The following CPED1 variants were observed in gnomAD, a reference collection of about 807,000 sequenced individuals.
The protein encoded by CPED1 is cadherin like and PC-esterase domain containing 1, also known as cadherin-like and PC-esterase domain-containing protein 1.
CPED1 carries 114 observed loss-of-function variants against 128.2 expected under a neutral mutation model. The ratio of observed to expected loss-of-function variants is 0.89; its 90% CI spans 0.76 to 1.04. The LOEUF is 1.04. CPED1 is among the 50% of genes least tolerant of loss of function. The pLI, the probability that CPED1 is intolerant of heterozygous loss-of-function variation, is 0.00. For missense variants in CPED1, 1,211 were observed against 1,207.1 expected (o/e 1.00, Z -0.05); for synonymous variants, 462 against 426.7 (o/e 1.08, Z -1.02).
chr7:121,272,207 A>G lies in CPED1; in HGVS notation c.2868+777A>G, dbSNP rs150783645. On this transcript the variant is annotated intron_variant, in intron 22 of 22. Coordinates refer to ENST00000310396, the MANE Select transcript of CPED1 (RefSeq NM_024913.5). The stretch of plus-strand genomic sequence containing the variant: ...CCTTCAGTCTCAAAAGCCCAAATCA[A>G]GGGAGAGAAGGCAGGACACTTATTT... Among the ~76,000 whole-genome samples the G allele has an allele frequency of 2.7e-3, 405 of 152,236 alleles. 4 individuals are homozygous for G. The highest frequency in any genetic ancestry group is 9.4e-3 in the African/African-American group (392 of 41,562).
chr7:121,117,611 G>C (rs1482291054), intron 7 of CPED1, among the ~76,000 whole-genome samples: 3 of 151,984 alleles, frequency 2.0e-5, no homozygotes, highest in Non-Finnish European at 2.9e-5. Flanking sequence ...AGCTCTCTCA[G>C]ATGCATTTTG....
At chr7:121,003,105 G>C (rs914317747) in intron 2 of CPED1, among the ~76,000 whole-genome samples, 1 of 152,146 alleles carries the variant, frequency 6.6e-6, no homozygotes, top group African/African-American at 2.4e-5. Flanking sequence ...AACTCTCTGT[G>C]GTGGTCAGCA....
intron 22 of CPED1, among the ~76,000 whole-genome samples, chr7:121,275,815 A>C (rs1031829880): frequency 5.9e-5 from 9 of 151,868 alleles, no homozygotes; most frequent in African/African-American, 2.2e-4. Flanking sequence ...TATAATCTTA[A>C]TTAAATAAAA....
chr7:121,054,697 A>T lies in CPED1; in HGVS notation c.540+7704A>T, dbSNP rs146270758. 6.1e-4 allele frequency among the ~76,000 whole-genome samples: 92 copies of T among 151,698 alleles called. No homozygotes were observed. In the Middle Eastern group the frequency reaches 0.014, roughly 22 times the overall value. On this transcript the variant is annotated intron_variant, in intron 4 of 22. Transcript: ENST00000310396. ...TTTTTTTTAATTTGCATGTAGTAAA[A>T]TTCATTATTTGTGGTTTATAGCTCC...
intron 16 of CPED1, among the ~76,000 whole-genome samples, chr7:121,212,937 T>A (rs1163151385): frequency 6.6e-6 from 1 of 151,968 alleles, no homozygotes; most frequent in African/African-American, 2.4e-5. Flanking sequence ...TGACCCTGCA[T>A]GAAGTGGAAA....
At chr7:121,285,610 A>G (rs1321596101) in intron 22 of CPED1, among the ~76,000 whole-genome samples, 3 of 152,212 alleles carry the variant, frequency 2.0e-5, no homozygotes, top group South Asian at 2.1e-4. Context: ...AAATGCCACC[A>G]GTCTCTTTGC....
intron 16 of CPED1, among the ~76,000 whole-genome samples, chr7:121,210,510 TGAATG>T (rs2116591664): frequency 6.6e-6 from 1 of 152,054 alleles, no homozygotes; most frequent in South Asian, 2.1e-4. Flanking sequence ...TACAACAACA[TGAATG>T]GAAATGGAAG....
intron 16 of CPED1, among the ~76,000 whole-genome samples, chr7:121,179,091 T>C (rs559496938): frequency 6.6e-6 from 1 of 152,156 alleles, no homozygotes; most frequent in Admixed American, 6.6e-5. Flanking sequence ...GAAAGATGTT[T>C]CAAAATGGAG....
At chr7:121,055,816 T>C (rs1793484477) in intron 4 of CPED1, among the ~76,000 whole-genome samples, 1 of 151,872 alleles carries the variant, frequency 6.6e-6, no homozygotes, top group Non-Finnish European at 1.5e-5. Flanking sequence ...GAAAATACAA[T>C]TTCTCCCAGA....
At chr7:121,186,628 C>T (rs368865209) in intron 16 of CPED1, among the ~76,000 whole-genome samples, 19 of 152,160 alleles carry the variant, frequency 1.2e-4, no homozygotes, top group African/African-American at 4.6e-4. Context: ...TGAAGAAAGT[C>T]TTTTGTGAGA....
chr7:121,096,258 C>T (rs781558633), intron 5 of CPED1, among the ~76,000 whole-genome samples: 3 of 151,978 alleles, frequency 2.0e-5, no homozygotes, highest in Admixed American at 6.6e-5. Flanking sequence ...TAATGAGATA[C>T]GGGAATACAT....
intron 16 of CPED1, among the ~76,000 whole-genome samples, chr7:121,190,731 T>G (rs1408109699): frequency 1.3e-5 from 2 of 152,162 alleles, no homozygotes; most frequent in African/African-American, 4.8e-5. Context: ...TTTTCCAGTA[T>G]CAGAGAAATA....
At chr7:121,219,111 T>C (rs1797822349) in intron 16 of CPED1, among the ~76,000 whole-genome samples, 2 of 152,086 alleles carry the variant, frequency 1.3e-5, no homozygotes, top group East Asian at 3.9e-4. Flanking sequence ...CTGAATGTTG[T>C]ATCTAAGCAT....
At chr7:121,055,310 G>A (rs577159660) in intron 4 of CPED1, among the ~76,000 whole-genome samples, 72 of 152,062 alleles carry the variant, frequency 4.7e-4, no homozygotes, top group African/African-American at 1.5e-3. Context: ...GCTGCCCAAC[G>A]TTTCTATAAA....
intron 16 of CPED1, among the ~76,000 whole-genome samples, chr7:121,217,882 G>A (rs1283009415): frequency 6.6e-6 from 1 of 151,958 alleles, no homozygotes; most frequent in African/African-American, 2.4e-5. Context: ...GGTTACTGGA[G>A]GTGTGTACCT....
chr7:121,098,791 AAAATATATATAAATATATAAATAAT>A (rs1647888652), intron 6 of CPED1, among the ~76,000 whole-genome samples: 2 of 103,478 alleles, frequency 1.9e-5, no homozygotes, highest in South Asian at 3.2e-4. Context: ...AAAATATATA[AAAATATATATAAATATATAAATAAT>A]ATATATATAA....
At chr7:121,290,502 AC>A (rs1792676092) in intron 22 of CPED1, among the ~76,000 whole-genome samples, 1 of 152,162 alleles carries the variant, frequency 6.6e-6, no homozygotes. Context: ...CGCCATTCTA[AC>A]TGGCATGAGA....
chr7:121,001,100 T>C (rs759442251), intron 2 of CPED1, among the ~76,000 whole-genome samples: 6 of 152,166 alleles, frequency 3.9e-5, no homozygotes, highest in Non-Finnish European at 5.9e-5. Context: ...TTTTTGATTG[T>C]CACCCTGTGT....
chr7:121,233,900 T>C (rs901589608), intron 16 of CPED1, among the ~76,000 whole-genome samples: 1 of 152,060 alleles, frequency 6.6e-6, no homozygotes, highest in Admixed American at 6.6e-5. Flanking sequence ...GCTCATTCTA[T>C]TTTTTCTGCC....
Sources: allele counts gnomAD v4.1 joint callset (sites outside exome capture counted in the v4.1 genomes callset), GRCh38; gene constraint gnomAD v4.1.1; transcripts MANE v1.5; gene names NCBI Gene and HGNC (gene_info 2026-07-23, HGNC 2026-07-21).